Variants in ABCD4 observed in about 807,000 individuals in gnomAD.
ABCD4 encodes lysosomal cobalamin transporter ABCD4.
In ABCD4, 53 loss-of-function variants were observed where a neutral mutation model predicts 86.3. The observed-to-expected ratio is 0.61, with a 90% CI of 0.49 to 0.77. The LOEUF is 0.77. Among genes scored for constraint, ABCD4 ranks in the 30% least tolerant of loss-of-function variants. ABCD4 has a pLI of 0.00. For synonymous variants in ABCD4, 328 were observed against 313.6 expected, an observed-to-expected ratio of 1.05 and a Z score of -0.49; for missense variants, 757 against 764.5, an observed-to-expected ratio of 0.99 and a Z score of 0.12.
chr14:74,302,725 C>T (rs2085009109), intron 1 of ABCD4, 150 bp downstream of exon 1: 7 of 922,168 alleles, frequency 7.6e-6, no homozygotes, highest in Admixed American at 4.0e-5. Flanking sequence ...GGAGGGCGGA[C>T]GCCCCTTCGA....
At position 74,295,493 on chromosome 14, in the gene ABCD4, A is replaced by C. The variant is rs112414537; in HGVS notation, c.669-295T>G. Among the ~76,000 whole-genome samples the C allele has an allele frequency of 8.6e-3, 1,308 of 152,270 alleles. 15 individuals carry two copies. The highest frequency in any genetic ancestry group is 0.03 in the African/African-American group (1,255 of 41,558). ...GCCTGGCCCAAAGGAGGGGGACAAG[A>C]AGCACAGGGCAGGCACTGGATCCAT... On this transcript the variant is annotated intron_variant, in intron 6 of 18. Transcript: ENST00000356924.
chr14:74,294,986 G>A, intron 7 of ABCD4, 162 bp downstream of exon 7: 1 of 795,830 alleles, frequency 1.3e-6, no homozygotes, highest in Admixed American at 2.4e-5. Context: ...ACCTAAGGAT[G>A]AGGCAGGCAA....
rs533778989 is a variant in ABCD4, at chr14:74,301,900, A to AAAAG, written c.38+971_38+974dup. ...AGCAACAAGAGCAAAACTCCGTCTC[A>AAAAG]AAAGAAAGAAAGAAAGAAAGAAAGA... is the stretch of plus-strand genomic sequence containing the variant. On this transcript the variant is annotated intron_variant, in intron 1 of 18. Transcript: ENST00000356924. Among the ~76,000 whole-genome samples, 1,009 of 152,002 alleles carry AAAAG rather than the reference A, an allele frequency of 6.6e-3. 7 individuals carry two copies. Among genetic ancestry groups the AAAAG allele is most frequent in the East Asian group, 0.02 (101 of 5,176 alleles).
In ABCD4 at chr14:74,299,667, C is replaced by T. The variant is rs2083804334; in HGVS notation, c.166G>A (p.Val56Met). 2 of 1,612,316 alleles carry T rather than the reference C, an allele frequency of 1.2e-6. No homozygotes were observed. Among genetic ancestry groups the T allele is most frequent in the Non-Finnish European group, 8.5e-7 (1 of 1,179,174 alleles). Residue 56 changes from valine to methionine, a missense_variant, in exon 3 of 19, where the codon GTG (valine) becomes ATG (methionine). Transcript: ENST00000356924. ...GGGATCAAGCCAACCTGGTAGATCA[C>T]AAATTGCTCTGAAAGGAGGGAGAGG... ...LLCLTLLEQFVIYQVGLIPSQ... is the reference protein window; with the variant it reads ...LLCLTLLEQFMIYQVGLIPSQ...
chr14:74,290,511 AAG>A lies in ABCD4; in HGVS notation c.1119-14_1119-13del, dbSNP rs1158911361. On this transcript the variant is annotated splice_polypyrimidine_tract_variant and intron_variant, in intron 11 of 18. Coordinates refer to ENST00000356924, the MANE Select transcript of ABCD4 (RefSeq NM_005050.4). The stretch of plus-strand genomic sequence containing the variant: ...GCCACCCTGGGGGTCTGTGTCAGAG[AAG>A]AGAGGGGGCGTGAGGAAGATGGGCA... 6.2e-7 allele frequency: 1 copy of A among 1,609,166 alleles called. No individual in the cohort carries two copies. The highest frequency in any genetic ancestry group is 1.7e-5 in the Admixed American group (1 of 59,970).
chr14:74,299,753 C>T, intron 2 of ABCD4, 78 bp from the exon 3 acceptor site: 1 of 1,432,064 alleles, frequency 7.0e-7, no homozygotes, highest in Non-Finnish European at 9.6e-7. Context: ...GTCCCTGCCT[C>T]ATCAGCACCC....
Position 74,293,019 on chromosome 14 carries a change from C to T in ABCD4, c.814+135G>A, listed in dbSNP as rs74063817. 0.013 allele frequency: 18,274 copies of T among 1,444,550 alleles called. 1,856 individuals are homozygous for T. In the African/African-American group the frequency reaches 0.23, roughly 18 times the overall value. The allele number at this position is 1,444,550 out of a possible 1,614,324, so 89.5% of individuals were successfully genotyped here. The stretch of plus-strand genomic sequence containing the variant: ...GAGGATACTCACAGAAAGGCAACAG[C>T]CCCCCCTCCTCATCCCCGGTTAATT... On this transcript the variant is annotated intron_variant, in intron 8 of 18. Coordinates refer to ENST00000356924, the MANE Select transcript of ABCD4 (RefSeq NM_005050.4).
chr14:74,293,680 C>T (rs58534984), intron 7 of ABCD4: 46,513 of 154,074 alleles, frequency 0.3, 7,631 homozygotes, highest in Middle Eastern at 0.57. Context: ...ACAGAGCGGT[C>T]ACTAGGTGTA....
chr14:74,296,276 A>G, intron 5 of ABCD4, 57 bp downstream of exon 5: 1 of 1,529,136 alleles, frequency 6.5e-7, no homozygotes, highest in Non-Finnish European at 9.1e-7. Flanking sequence ...TTGACCTGGG[A>G]GAGCTGACTG....
At chr14:74,297,410 T>C in intron 4 of ABCD4, 1 of 152,094 alleles carries the variant, frequency 6.6e-6, no homozygotes, top group East Asian at 1.9e-4. Flanking sequence ...TCCTGGATAG[T>C]GGTAATTTTT....
rs745326222 is a variant in ABCD4, at chr14:74,287,839, C to G, written c.1607G>C (p.Arg536Pro). Residue 536 changes from arginine (R) to proline (P), a missense_variant, in exon 17 of 19, where the codon CGA becomes CCA. Physicochemically the swap from Arg to Pro is moderately radical, Grantham distance 103. Transcript: ENST00000356924. ...GTACTTCGGCTGCAGGTAGAAGAGT[C>G]GGGCAAAGGAGAGCCGTTGCATCTC... ...PGEMQRLSFA[R>P]LFYLQPKYAV... 1 of 1,613,004 alleles carries G rather than the reference C, an allele frequency of 6.2e-7. No homozygotes were observed. Among genetic ancestry groups the G allele is most frequent in the Admixed American group, 1.7e-5 (1 of 59,906 alleles).
At chr14:74,302,596 C>CT (rs886369695) in intron 1 of ABCD4, among the ~76,000 whole-genome samples, 19 of 152,102 alleles carry the variant, frequency 1.2e-4, no homozygotes, top group African/African-American at 2.7e-4. Context: ...ACCTGAGGTT[C>CT]TTCTTTTCAA....
chr14:74,301,238 C>A (rs1740123724), intron 1 of ABCD4, among the ~76,000 whole-genome samples: 1 of 150,464 alleles, frequency 6.6e-6, no homozygotes, highest in Admixed American at 6.7e-5. Context: ...CAGCTCAGGG[C>A]AACCTCTGCC....
At chr14:74,289,238 G>A (rs1215136474) in intron 14 of ABCD4, 1 of 1,348,548 alleles carries the variant, frequency 7.4e-7, no homozygotes, top group Non-Finnish European at 9.5e-7. Context: ...TAAGGGAAGG[G>A]GTGGGTGAAG....
chr14:74,289,092 A>G, intron 14 of ABCD4: 1 of 1,027,934 alleles, frequency 9.7e-7, no homozygotes, highest in Non-Finnish European at 1.2e-6. Context: ...AGTCTGGGTG[A>G]CAGAGTGAAA....
Position 74,292,330 on chromosome 14 carries a change from G to C in ABCD4, c.1075C>G (p.Gln359Glu). Residue 359 changes from glutamine (Q) to glutamate (E), a missense_variant, in exon 11 of 19, where the codon CAG becomes GAG. Transcript: ENST00000356924. ...CTCTCGCCCAGGATCTCGCAGTCCTGTGACTTCAGGGACATGTCCAGAAGC... is the reference window on the plus strand; with the variant it reads ...CTCTCGCCCAGGATCTCGCAGTCCTCTGACTTCAGGGACATGTCCAGAAGC... ...ETLLDMSLKS[Q>E]DCEILGESEW... is the part of the protein sequence containing the mutation. The C allele has an allele frequency of 6.2e-7, 1 of 1,614,106 alleles. No homozygotes were observed. The highest frequency in any genetic ancestry group is 1.7e-5 in the Admixed American group (1 of 60,022).
intron 2 of ABCD4, chr14:74,299,879 T>C (rs2083890340): frequency 1.2e-5 from 7 of 585,092 alleles, no homozygotes; most frequent in South Asian, 2.0e-5. Context: ...CTGGCCAAGA[T>C]GGTGAAACCC....
In ABCD4 at chr14:74,293,134, C is replaced by T. The variant is rs767996862; in HGVS notation, c.814+20G>A. On this transcript the variant is annotated intron_variant, in intron 8 of 18. Transcript: ENST00000356924. ...CAGTCCAACCCCATGGTTCCCACTTCCCTGGGCCCCCTCGCCTACTGTACA... is the reference window on the plus strand; with the variant it reads ...CAGTCCAACCCCATGGTTCCCACTTTCCTGGGCCCCCTCGCCTACTGTACA... 3.7e-5 allele frequency: 59 copies of T among 1,611,488 alleles called. No individual in the cohort carries two copies. Among genetic ancestry groups the T allele is most frequent in the Non-Finnish European group, 4.8e-5 (56 of 1,178,524 alleles).
At chr14:74,288,176 T>A in intron 16 of ABCD4, 31 bp downstream of exon 16, 2 of 1,609,712 alleles carry the variant, frequency 1.2e-6, no homozygotes, top group East Asian at 2.2e-5. Context: ...ATGGTGGGGC[T>A]ATCTCTGGAG....
Sources: allele counts gnomAD v4.1 joint callset (sites outside exome capture counted in the v4.1 genomes callset), GRCh38; gene constraint gnomAD v4.1.1; transcripts MANE v1.5; gene names NCBI Gene and HGNC (gene_info 2026-07-23, HGNC 2026-07-21).